The following FAM151A variants were observed in gnomAD, a reference collection of about 807,000 sequenced individuals.
The protein encoded by FAM151A is family with sequence similarity 151 member A, also known as protein FAM151A.
FAM151A carries 41 observed loss-of-function variants against 40.4 expected under a neutral mutation model. That is an observed-to-expected ratio of 1.01 (90% CI 0.79 to 1.32). The LOEUF (loss-of-function observed/expected upper bound fraction) is 1.32, where lower values mean the gene tolerates loss of function less well. FAM151A is among the 40% of genes most tolerant of loss of function. The pLI is 0.00. For missense variants in FAM151A, 740 were observed against 740.4 expected (o/e 1.00, Z 0.01); for synonymous variants, 337 against 312.5 (o/e 1.08, Z -0.83).
In FAM151A at chr1:54,609,345, C is replaced by T. The variant is rs748358204; in HGVS notation, c.1681G>A (p.Val561Met). Residue 561 changes from valine to methionine, a missense_variant, in exon 8 of 8, where the codon GTG becomes ATG. By Grantham distance (21) the Val-to-Met change is conservative. Transcript: ENST00000302250. The stretch of plus-strand genomic sequence containing the variant: ...CTGTAGTAGACTCGGGTCCTGTCCA[C>T]AGCCCTAGCTGCCAGCAATGCTGTC... The part of the protein sequence containing the change: ...VRTALLAARA[V>M]DRTRVYYRLP... The T allele has an allele frequency of 4.5e-5, 73 of 1,614,054 alleles. No homozygotes were observed. The Admixed American group carries it at 1.1e-3, about 25-fold the overall frequency.
At chr1:54,619,626 G>C (rs919338793) in intron 2 of FAM151A, among the ~76,000 whole-genome samples, 1 of 152,170 alleles carries the variant, frequency 6.6e-6, no homozygotes, top group Non-Finnish European at 1.5e-5. Context: ...CTGGGAGGGA[G>C]GACAGTATAG....
chr1:54,617,562 C>T (rs1644185783), intron 2 of FAM151A, among the ~76,000 whole-genome samples: 1 of 151,932 alleles, frequency 6.6e-6, no homozygotes, highest in Admixed American at 6.6e-5. Context: ...CAGGGCCTGC[C>T]AGATTTTCCA....
At chr1:54,622,049 A>G (rs1466061836) in intron 1 of FAM151A, among the ~76,000 whole-genome samples, 1 of 152,044 alleles carries the variant, frequency 6.6e-6, no homozygotes, top group Non-Finnish European at 1.5e-5. Context: ...CAAGGTGGGC[A>G]GATCACCTGA....
rs544237571 is a variant in FAM151A, at chr1:54,623,283, C to T, written c.113G>A (p.Arg38Gln). The change falls in exon 1 of 8, where the codon CGG becomes CAG. Residue 38 changes from arginine to glutamine, a missense_variant. Coordinates refer to ENST00000302250, the MANE Select transcript of FAM151A (RefSeq NM_176782.3). ...ACATGGGGGGAGGCACCTACCTGGC[C>T]GCCGCAGGGTGATGGCAAGGACTAT... is the stretch of plus-strand genomic sequence containing the variant. ...AAIVLAITLRRPGCELEACSP... is the reference protein window; with the variant it reads ...AAIVLAITLRQPGCELEACSP... 36 of 1,613,072 alleles carry T rather than the reference C, an allele frequency of 2.2e-5. No individual in the cohort carries two copies. The highest frequency in any genetic ancestry group is 5.3e-5 in the African/African-American group (4 of 74,982).
intron 4 of FAM151A, among the ~76,000 whole-genome samples, chr1:54,613,426 C>G (rs979495698): frequency 5.3e-5 from 8 of 150,824 alleles, no homozygotes; most frequent in Non-Finnish European, 1.2e-4. Context: ...CTCCCTCCTT[C>G]CCTCCCTCCC....
intron 3 of FAM151A, 150 bp downstream of exon 3, chr1:54,615,870 C>T (rs1027452263): frequency 2.5e-6 from 2 of 787,252 alleles, no homozygotes; most frequent in Admixed American, 4.4e-5. Context: ...CCTCACTGAG[C>T]CTGGGCATCT....
rs375087607 is a variant in FAM151A at position 54,611,693 on chromosome 1, G to A, written c.853C>T (p.Leu285=). The A allele has an allele frequency of 8.1e-6, 13 of 1,614,026 alleles. No homozygotes were observed. Among genetic ancestry groups the A allele is most frequent in the Non-Finnish European group, 1.1e-5 (13 of 1,180,024 alleles). Residue 285 remains leucine (L), a synonymous_variant, in exon 6 of 8, where the codon CTG becomes TTG. Transcript: ENST00000302250. ...GCAGTGTTATCCCGGACGTAGAGCA[G>A]ATCTTCCACCGACATGGGGTCCGAG... is the stretch of plus-strand genomic sequence containing the variant. The part of the protein sequence containing the change: ...AASDPMSVED[L]LYVRDNTAVH...
In FAM151A at chr1:54,609,535, C is replaced by G; in HGVS notation, c.1491G>C (p.Met497Ile). ...GCCAGAGCCCCTGGCACAACTCTAGCATATCTGTGAGCAGCTGTTCCCTGT... is the reference window on the plus strand; with the variant it reads ...GCCAGAGCCCCTGGCACAACTCTAGGATATCTGTGAGCAGCTGTTCCCTGT... ...SGYREQLLTD[M>I]LELCQGLWQP... The change falls in exon 8 of 8, where the codon ATG becomes ATC. Residue 497 changes from methionine (M) to isoleucine (I), a missense_variant. Transcript: ENST00000302250. 1 of 1,612,992 alleles carries G rather than the reference C, an allele frequency of 6.2e-7. No individual in the cohort carries two copies. The highest frequency in any genetic ancestry group is 8.5e-7 in the Non-Finnish European group (1 of 1,180,030).
At position 54,612,739 on chromosome 1, in the gene FAM151A, A is replaced by G. The variant is rs377413604; in HGVS notation, c.576-29T>C. 8 of 1,578,402 alleles carry G rather than the reference A, an allele frequency of 5.1e-6. No individual in the cohort carries two copies. In the African/African-American group the frequency reaches 9.4e-5, roughly 19 times the overall value. On this transcript the variant is annotated intron_variant, in intron 4 of 7. Coordinates refer to ENST00000302250, the MANE Select transcript of FAM151A (RefSeq NM_176782.3). ...CAAAAAAATCAGAGATGTTGGTCTC[A>G]CGGAGCTGCAGCGGCCCCTTCCTCT...
In FAM151A at chr1:54,614,726, G is replaced by A. The variant is rs1644152980; in HGVS notation, c.549C>T (p.Leu183=). ...GTGTGGCATTGACCTCAGTTGAGAT[G>A]AGCATGTTGGGGCCCTTTAAGATGT... The part of the protein sequence containing the change: ...NADILKGPNM[L]ISTEVNATQF... Residue 183 remains leucine, a synonymous_variant, in exon 4 of 8, where the codon CTC becomes CTT. Coordinates refer to ENST00000302250, the MANE Select transcript of FAM151A (RefSeq NM_176782.3). The A allele has an allele frequency of 1.2e-6, 2 of 1,613,890 alleles. No homozygotes were observed. Among genetic ancestry groups the A allele is most frequent in the Non-Finnish European group, 1.7e-6 (2 of 1,179,950 alleles).
intron 4 of FAM151A, among the ~76,000 whole-genome samples, chr1:54,614,094 A>G (rs183122070): frequency 3.3e-5 from 5 of 152,374 alleles, no homozygotes; most frequent in Admixed American, 6.5e-5. Context: ...CACTATTGTC[A>G]GCTTTATCAT....
chr1:54,620,353 A>G (rs1376987237), intron 1 of FAM151A, among the ~76,000 whole-genome samples: 2 of 152,266 alleles, frequency 1.3e-5, no homozygotes, highest in African/African-American at 4.8e-5. Context: ...AGGAGAGTGC[A>G]GTTGCCTGAA....
rs755733319 is a variant in FAM151A, at chr1:54,612,638, G to A, written c.648C>T (p.Ser216=). 5 of 1,614,002 alleles carry A rather than the reference G, an allele frequency of 3.1e-6. No homozygotes were observed. The highest frequency in any genetic ancestry group is 4.2e-6 in the Non-Finnish European group (5 of 1,180,014). Reference sequence around the variant, plus strand: ...GGGTGTACGTCCTGTTTGGGGACGTGGACATGTAGAAGGTGGTCCAGCCTG... The same window carrying A: ...GGGTGTACGTCCTGTTTGGGGACGTAGACATGTAGAAGGTGGTCCAGCCTG... ...LSPGWTTFYM[S]TSPNRTYTQA... Residue 216 remains serine (S), a synonymous_variant, in exon 5 of 8, where the codon TCC becomes TCT. Coordinates refer to ENST00000302250, the MANE Select transcript of FAM151A (RefSeq NM_176782.3).
chr1:54,610,522 CCCGTGTAGTACAT>C lies in FAM151A; in HGVS notation c.961_973del (p.Met321GlufsTer4). 6.2e-7 allele frequency: 1 copy of C among 1,613,488 alleles called. No homozygotes were observed. Among genetic ancestry groups the C allele is most frequent in the Non-Finnish European group, 8.5e-7 (1 of 1,179,660 alleles). ...CTGGAGAAGAGGGATCAGGCTGCCT[CCCGTGTAGTACAT>C]TGGTTTCCGTGTGGCATTCACTGTG... On this transcript the variant is annotated frameshift_variant, in exon 7 of 8. Transcript: ENST00000302250. LOFTEE classifies it high-confidence loss of function.
In FAM151A at chr1:54,609,699, C is replaced by G; in HGVS notation, c.1327G>C (p.Val443Leu). ...CTCCCGTGGGAGATTTTGGCCCCAA[C>G]CCACACAGGCCAATGCAAGAGGCCA... Reference protein sequence around the residue: ...SLGLLHWPVWVGAKISHGSFS... With the variant: ...SLGLLHWPVWLGAKISHGSFS... Residue 443 changes from valine (V) to leucine (L), a missense_variant, in exon 8 of 8, where the codon GTT (valine) becomes CTT (leucine). Physicochemically the swap from Val to Leu is conservative, Grantham distance 32 (BLOSUM62 1). Transcript: ENST00000302250. 6.2e-7 allele frequency: 1 copy of G among 1,614,084 alleles called. No homozygotes were observed. The highest frequency in any genetic ancestry group is 8.5e-7 in the Non-Finnish European group (1 of 1,180,032).
rs144804206 is a variant in FAM151A at position 54,612,589 on chromosome 1, C to T, written c.697G>A (p.Glu233Lys). 8.6e-5 allele frequency: 139 copies of T among 1,613,984 alleles called. No homozygotes were observed. Among genetic ancestry groups the T allele is most frequent in the Non-Finnish European group, 1.1e-4 (125 of 1,180,008 alleles). The change falls in exon 5 of 8, where the codon GAG becomes AAG. Residue 233 changes from glutamate to lysine, a missense_variant. By Grantham distance (56) the Glu-to-Lys change is moderately conservative (BLOSUM62 1). Coordinates refer to ENST00000302250, the MANE Select transcript of FAM151A (RefSeq NM_176782.3). ...CTCTGGGGCACTCCTCCCACCAGCT[C>T]GTGCATCTTCTCCACCATGGCTTGG... ...YTQAMVEKMH[E>K]LVGGVPQRVT...
In FAM151A at chr1:54,611,728, C is replaced by T. The variant is rs114132415; in HGVS notation, c.818G>A (p.Trp273Ter). Residue 273 changes from tryptophan (W) to a stop codon, truncating the protein, a stop_gained, in exon 6 of 8, where the codon TGG (tryptophan) becomes TAG (stop). Coordinates refer to ENST00000302250, the MANE Select transcript of FAM151A (RefSeq NM_176782.3). LOFTEE classifies it high-confidence loss of function. ...SQSERYSLTL[W>*]QAASDPMSVE... The stretch of plus-strand genomic sequence containing the variant: ...CGACATGGGGTCCGAGGCAGCCTGC[C>T]ACAGCGTCAGGCTGTACCTGGGGAC... The T allele has an allele frequency of 7.3e-4, 1,172 of 1,614,096 alleles. 7 individuals are homozygous for T. The African/African-American group carries it at 0.013, about 19-fold the overall frequency.
In FAM151A at chr1:54,619,830, C is replaced by G. The variant is rs763257599; in HGVS notation, c.262+34G>C. 7 of 1,610,072 alleles carry G rather than the reference C, an allele frequency of 4.3e-6. No homozygotes were observed. In the Admixed American group the frequency reaches 1.2e-4, roughly 27 times the overall value. On this transcript the variant is annotated intron_variant, in intron 2 of 7. Coordinates refer to ENST00000302250, the MANE Select transcript of FAM151A (RefSeq NM_176782.3). ...TCCCTCTGTCTTCTCTATCCCTTGC[C>G]CTGGCCTGCCTCAGTCTTGGCAGCT...
Position 54,610,404 on chromosome 1 carries a change from G to C in FAM151A, c.1084+8C>G, listed in dbSNP as rs1276847913. ...CTGGGAGCACCGGGGCTGAAGGGTA[G>C]ACCTTACCTGGGAGGGTCATTGTTG... On this transcript the variant is annotated splice_region_variant and intron_variant, in intron 7 of 7. Transcript: ENST00000302250. The C allele has an allele frequency of 6.2e-7, 1 of 1,612,492 alleles. No individual in the cohort carries two copies. Among genetic ancestry groups the C allele is most frequent in the East Asian group, 2.2e-5 (1 of 44,866 alleles).
Sources: gnomAD v4.1 joint callset for allele counts (sites outside exome capture counted in the v4.1 genomes callset) on GRCh38, gnomAD v4.1.1 for gene constraint, MANE v1.5 for transcripts, NCBI Gene and HGNC (gene_info 2026-07-23, HGNC 2026-07-21) for gene names.